Variants in SLC30A8 observed in about 807,000 individuals in gnomAD.
SLC30A8 encodes the protein proton-coupled zinc antiporter SLC30A8.
A neutral mutation model predicts 36.9 loss-of-function variants in SLC30A8; 27 were observed. That is an observed-to-expected ratio of 0.73 (90% confidence interval 0.54 to 1.01). SLC30A8 has a LOEUF of 1.01. Ranked by LOEUF, SLC30A8 falls within the 50% of genes least tolerant of loss-of-function variation. The pLI is 0.00. For synonymous variants in SLC30A8, 164 were observed against 172.4 expected (o/e 0.95, Z 0.38); for missense variants, 439 against 452.0 (o/e 0.97, Z 0.26).
At chr8:117,094,510 GGACTCTGTT>G (rs1819273232) in intron 2 of SLC30A8, among the ~76,000 whole-genome samples, 1 of 152,188 alleles carries the variant, frequency 6.6e-6, no homozygotes, top group Non-Finnish European at 1.5e-5. Flanking sequence ...AGCAGAGAGG[GGACTCTGTT>G]GTGGGTAGTT....
intron 4 of SLC30A8, among the ~76,000 whole-genome samples, chr8:117,160,453 G>T (rs1022410381): frequency 1.3e-5 from 2 of 151,780 alleles, no homozygotes; most frequent in Non-Finnish European, 2.9e-5. Context: ...ATGTGCGCGC[G>T]GTGGGGGAGT....
chr8:117,145,779 A>G (rs1007285475), intron 1 of SLC30A8, among the ~76,000 whole-genome samples: 11 of 152,276 alleles, frequency 7.2e-5, no homozygotes, highest in African/African-American at 2.4e-4. Context: ...TGGATATTTG[A>G]CCTCAGGCAA....
At chr8:116,967,618 T>C (rs755276262) in intron 1 of SLC30A8, among the ~76,000 whole-genome samples, 1 of 152,212 alleles carries the variant, frequency 6.6e-6, no homozygotes, top group African/African-American at 2.4e-5. Context: ...GGTACCTGAA[T>C]GAACCAAGTC....
At chr8:117,018,545 G>A (rs1161270985) in intron 1 of SLC30A8, among the ~76,000 whole-genome samples, 1 of 152,132 alleles carries the variant, frequency 6.6e-6, no homozygotes. Flanking sequence ...TAGCACTGCT[G>A]TGTTGGATAG....
At chr8:117,066,363 A>G (rs1379240219) in intron 2 of SLC30A8, among the ~76,000 whole-genome samples, 1 of 152,174 alleles carries the variant, frequency 6.6e-6, no homozygotes, top group African/African-American at 2.4e-5. Flanking sequence ...GAGATTTTAA[A>G]TTAGAGAGAA....
intron 2 of SLC30A8, among the ~76,000 whole-genome samples, chr8:117,068,775 C>G (rs1378995570): frequency 6.6e-6 from 1 of 152,106 alleles, no homozygotes; most frequent in East Asian, 1.9e-4. Flanking sequence ...CGGGGTTTCA[C>G]TATGCTGGCC....
chr8:117,110,821 A>G (rs1356045150), intron 2 of SLC30A8, among the ~76,000 whole-genome samples: 2 of 152,174 alleles, frequency 1.3e-5, no homozygotes, highest in Non-Finnish European at 2.9e-5. Context: ...AATCCTCACA[A>G]TAGCCCCGAG....
intron 1 of SLC30A8, among the ~76,000 whole-genome samples, chr8:117,010,661 T>C (rs1223119332): frequency 6.6e-6 from 1 of 152,202 alleles, no homozygotes; most frequent in Non-Finnish European, 1.5e-5. Flanking sequence ...TGCCTGAGAC[T>C]GGGTAATTTA....
chr8:116,983,973 T>C (rs183632629), intron 1 of SLC30A8, among the ~76,000 whole-genome samples: 6 of 152,242 alleles, frequency 3.9e-5, no homozygotes, highest in Admixed American at 3.9e-4. Context: ...TACTGATCCT[T>C]TACAGCCATA....
intron 1 of SLC30A8, among the ~76,000 whole-genome samples, chr8:116,985,674 TAATACACTTCTACCAACAATGCATGA>T (rs1815420252): frequency 6.6e-6 from 1 of 152,148 alleles, no homozygotes; most frequent in African/African-American, 2.4e-5. Context: ...TGGAGCATCA[TAATACACTTCTACCAACAATGCATGA>T]AAGTACCAAT....
intron 2 of SLC30A8, among the ~76,000 whole-genome samples, chr8:117,050,617 C>G (rs1292381660): frequency 6.6e-6 from 1 of 152,112 alleles, no homozygotes; most frequent in Non-Finnish European, 1.5e-5. Flanking sequence ...GTTGACCAGG[C>G]TGGTCTCGAA....
intron 1 of SLC30A8, among the ~76,000 whole-genome samples, chr8:117,010,956 C>T (rs1816324086): frequency 6.6e-6 from 1 of 152,178 alleles, no homozygotes; most frequent in Admixed American, 6.5e-5. Context: ...CCACCAGGCC[C>T]CACCTCCAGC....
chr8:117,073,839 CT>C (rs1386209094), intron 2 of SLC30A8, among the ~76,000 whole-genome samples: 11 of 152,214 alleles, frequency 7.2e-5, no homozygotes, highest in Middle Eastern at 3.4e-3. Flanking sequence ...CTTCTGTGAT[CT>C]AGTGCCTGCC....
At chr8:117,055,754 G>A (rs1362615392) in intron 2 of SLC30A8, 1 of 152,214 alleles carries the variant, frequency 6.6e-6, no homozygotes, top group African/African-American at 2.4e-5. Context: ...ATTTACACGT[G>A]TATGTCCTTC....
At chr8:116,998,403 G>A (rs1586378710) in intron 1 of SLC30A8, among the ~76,000 whole-genome samples, 1 of 152,288 alleles carries the variant, frequency 6.6e-6, no homozygotes, top group Middle Eastern at 3.4e-3. Context: ...TGGGAAAAAT[G>A]CTGCAAATTA....
intron 2 of SLC30A8, among the ~76,000 whole-genome samples, chr8:117,090,421 C>G (rs998013530): frequency 6.6e-6 from 1 of 152,170 alleles, no homozygotes; most frequent in African/African-American, 2.4e-5. Flanking sequence ...AAAAAACTAT[C>G]ATAGACTGGG....
intron 2 of SLC30A8, among the ~76,000 whole-genome samples, chr8:117,101,702 C>T (rs560146897): frequency 6.6e-6 from 1 of 152,196 alleles, no homozygotes; most frequent in East Asian, 1.9e-4. Flanking sequence ...AATCAGCTGC[C>T]AGTGTGGCCA....
At chr8:117,043,401 C>T (rs779811170) in intron 2 of SLC30A8, among the ~76,000 whole-genome samples, 13 of 152,164 alleles carry the variant, frequency 8.5e-5, no homozygotes, top group Non-Finnish European at 1.3e-4. Flanking sequence ...GTGGGAAGTG[C>T]GTGAATAGAG....
At chr8:117,161,596 C>A in intron 4 of SLC30A8, 142 bp from the exon 5 acceptor site, 2 of 778,324 alleles carry the variant, frequency 2.6e-6, no homozygotes, top group Non-Finnish European at 4.0e-6. Context: ...AAACATTAGT[C>A]AAAGATAGTT....
Sources: allele counts gnomAD v4.1 joint callset (sites outside exome capture counted in the v4.1 genomes callset), GRCh38; gene constraint gnomAD v4.1.1; transcripts MANE v1.5; gene names NCBI Gene and HGNC (gene_info 2026-07-23, HGNC 2026-07-21).